The following BPTF variants were observed in gnomAD, a reference collection of about 807,000 sequenced individuals.
BPTF encodes the protein bromodomain PHD finger transcription factor.
BPTF carries 18 observed loss-of-function variants against 292.5 expected under a neutral mutation model. The observed-to-expected ratio is 0.06, with a 90% CI of 0.04 to 0.09. BPTF has a LOEUF of 0.09. Among genes scored for constraint, BPTF ranks in the 10% least tolerant of loss-of-function variants. The probability of loss-of-function intolerance (pLI) is 1.00; values close to 1 mark genes in which losing one functional copy is unlikely to be tolerated. For synonymous variants in BPTF, 1,225 were observed against 1,251.9 expected (o/e 0.98, Z 0.45); for missense variants, 2,726 against 3,498.7 (o/e 0.78, Z 5.57).
At chr17:67,884,546 C>T (rs2060630573) in intron 4 of BPTF, among the ~76,000 whole-genome samples, 2 of 151,848 alleles carry the variant, frequency 1.3e-5, no homozygotes, top group Non-Finnish European at 2.9e-5. Context: ...CCCTCAAGTA[C>T]GTAGGACTAG....
At chr17:67,842,049 G>A (rs1001501566) in intron 1 of BPTF, among the ~76,000 whole-genome samples, 12 of 152,108 alleles carry the variant, frequency 7.9e-5, no homozygotes, top group Non-Finnish European at 1.5e-4. Context: ...AAAATAAAAC[G>A]TAAAAGTATT....
chr17:67,851,581 T>A (rs186648190), intron 1 of BPTF, among the ~76,000 whole-genome samples: 9 of 152,340 alleles, frequency 5.9e-5, no homozygotes, highest in Admixed American at 3.9e-4. Context: ...GTATAAGGCA[T>A]GTAGTGAGAA....
intron 20 of BPTF, 152 bp from the exon 21 acceptor site, chr17:67,945,257 C>T (rs901995984): frequency 8.7e-6 from 12 of 1,380,388 alleles, no homozygotes; most frequent in African/African-American, 2.9e-5. Context: ...GTTGCTCAAA[C>T]GATCCTCCCA....
Position 67,912,287 on chromosome 17 carries a change from G to A in BPTF, c.4403G>A (p.Gly1468Asp), listed in dbSNP as rs555289218. ...KESAIRPFINGDVIMEDFNER... is the reference protein window; with the variant it reads ...KESAIRPFINDDVIMEDFNER... ...TCTGCTATAAGGCCATTCATTAATG[G>A]TGATGTCATCATGGAAGATTTTAAT... Residue 1468 changes from glycine to aspartate, a missense_variant, in exon 11 of 28, where the codon GGT (glycine) becomes GAT (aspartate). Around this residue, in one of 22 missense-constraint regions of BPTF, gnomAD observed 713 missense variants for 714.9 expected, o/e 1.00. Transcript: ENST00000306378. 1 of 1,613,760 alleles carries A rather than the reference G, an allele frequency of 6.2e-7. No individual in the cohort carries two copies. Among genetic ancestry groups the A allele is most frequent in the East Asian group, 2.2e-5 (1 of 44,884 alleles).
chr17:67,968,066 G>C (rs1555688551), intron 26 of BPTF, among the ~76,000 whole-genome samples: 1 of 151,148 alleles, frequency 6.6e-6, no homozygotes, highest in East Asian at 1.9e-4. Flanking sequence ...GGAGCCACGA[G>C]TAATCGTATC....
chr17:67,914,734 A>T (rs539784194), intron 11 of BPTF, among the ~76,000 whole-genome samples: 5 of 152,276 alleles, frequency 3.3e-5, no homozygotes, highest in African/African-American at 1.2e-4. Context: ...ACTGGTCCCA[A>T]TCAAGTGTTG....
chr17:67,976,074 A>T lies in BPTF; in HGVS notation c.8726+116A>T, dbSNP rs577346387. 377 of 527,430 alleles carry T rather than the reference A, an allele frequency of 7.1e-4. 1 individual carries two copies. In the African/African-American group the frequency reaches 0.02, roughly 28 times the overall value. The allele number at this position is 527,430 out of a possible 1,614,324, so 32.7% of individuals were successfully genotyped here. A position where few individuals can be genotyped will look rare whatever the true frequency, so the allele number is the denominator to read the frequency against. On this transcript the variant is annotated intron_variant, in intron 27 of 27. Transcript: ENST00000306378. ...GTAAATTTAACCTTAAATATCTTTA[A>T]AAAAAAAATAAATAAATCAAGACTC...
At position 67,854,116 on chromosome 17, in the gene BPTF, C is replaced by G. The variant is rs201658052; in HGVS notation, c.790C>G (p.Pro264Ala). 6.2e-6 allele frequency: 10 copies of G among 1,614,208 alleles called. No individual in the cohort carries two copies. In the Admixed American group the frequency reaches 1.2e-4, roughly 19 times the overall value. ...RNFGTVLRLS[P>A]FRFEDFCAAL... ...CTTTGGCACTGTTTTGAGATTATCT[C>G]CTTTTCGCTTTGAGGACTTTTGTGC... The change falls in exon 2 of 28, where the codon CCT becomes GCT. Residue 264 changes from proline to alanine, a missense_variant. Coordinates refer to ENST00000306378, the MANE Select transcript of BPTF (RefSeq NM_182641.4). The surrounding 1 kb of genome is among the most constrained non-coding windows in gnomAD (Gnocchi z 5.6).
At chr17:67,918,587 A>G (rs2063215955) in intron 11 of BPTF, 127 bp from the exon 12 acceptor site, 2 of 789,596 alleles carry the variant, frequency 2.5e-6, no homozygotes, top group Non-Finnish European at 3.7e-6. Context: ...ACAAAACCAT[A>G]TTATAAATAC....
rs1405189093 is a variant in BPTF at position 67,911,534 on chromosome 17, A to G, written c.3650A>G (p.Asp1217Gly). The G allele has an allele frequency of 6.2e-6, 10 of 1,613,508 alleles. No homozygotes were observed. The highest frequency in any genetic ancestry group is 7.6e-6 in the Non-Finnish European group (9 of 1,179,872). The change falls in exon 11 of 28, where the codon GAC becomes GGC. Residue 1217 changes from aspartate (D) to glycine (G), a missense_variant. Around this residue, in one of 22 missense-constraint regions of BPTF, gnomAD observed 713 missense variants for 714.9 expected, o/e 1.00. Coordinates refer to ENST00000306378, the MANE Select transcript of BPTF (RefSeq NM_182641.4). The part of the protein sequence containing the change: ...KTKGNDFFID[D>G]SKLASADDIG... ...AAAGGAAATGATTTTTTCATCGATGACTCTAAACTAGCCAGTGCAGATGAT... is the reference window on the plus strand; with the variant it reads ...AAAGGAAATGATTTTTTCATCGATGGCTCTAAACTAGCCAGTGCAGATGAT...
At chr17:67,885,353 G>T (rs2060682101) in intron 4 of BPTF, among the ~76,000 whole-genome samples, 1 of 152,220 alleles carries the variant, frequency 6.6e-6, no homozygotes, top group Admixed American at 6.5e-5. Context: ...GGAGGCCAAG[G>T]TGGGTGGATC....
intron 10 of BPTF, 127 bp downstream of exon 10, chr17:67,909,888 C>G (rs944446922): frequency 2.8e-6 from 2 of 725,180 alleles, no homozygotes; most frequent in African/African-American, 1.8e-5. Flanking sequence ...TAATTGATAT[C>G]CCATACAATT....
chr17:67,966,880 T>A (rs1450511238), intron 26 of BPTF, among the ~76,000 whole-genome samples: 1 of 151,970 alleles, frequency 6.6e-6, no homozygotes, highest in Non-Finnish European at 1.5e-5. Flanking sequence ...GACAGGCGGA[T>A]CATGAGGTCA....
chr17:67,886,113 A>G, intron 4 of BPTF: 1 of 1,515,578 alleles, frequency 6.6e-7, no homozygotes, highest in African/African-American at 1.4e-5. Context: ...AAAATCAGAT[A>G]TTCTATTTTT....
chr17:67,946,495 G>A (rs573448505), intron 21 of BPTF, among the ~76,000 whole-genome samples, 170 bp downstream of exon 21: 1 of 152,340 alleles, frequency 6.6e-6, no homozygotes, highest in South Asian at 2.1e-4. Flanking sequence ...CTACTGTGGT[G>A]TGGAACACTT....
At chr17:67,923,552 G>T (rs1332746709) in intron 14 of BPTF, among the ~76,000 whole-genome samples, 7 of 125,934 alleles carry the variant, frequency 5.6e-5, no homozygotes, top group African/African-American at 1.2e-4. Context: ...GCATGATCTC[G>T]GCTCACTGCA....
chr17:67,932,530 C>G (rs1197136902), intron 18 of BPTF, among the ~76,000 whole-genome samples: 1 of 152,164 alleles, frequency 6.6e-6, no homozygotes, highest in Non-Finnish European at 1.5e-5. Flanking sequence ...AATGCCATCT[C>G]TACTAAAAAT....
At chr17:67,875,729 C>A in intron 4 of BPTF, 1 of 1,594,976 alleles carries the variant, frequency 6.3e-7, no homozygotes, top group Non-Finnish European at 8.5e-7. Context: ...ATCTGAGCTC[C>A]CCCAGGATGT....
chr17:67,964,259 G>A lies in BPTF; in HGVS notation c.8309G>A (p.Cys2770Tyr). The part of the protein sequence containing the change: ...DRCQNWYHGR[C>Y]VGILQSEAEL... Reference sequence around the variant, plus strand: ...TGTCAGAATTGGTACCATGGGCGCTGCGTTGGCATCTTGCAAAGTGAGGCA... The same window carrying A: ...TGTCAGAATTGGTACCATGGGCGCTACGTTGGCATCTTGCAAAGTGAGGCA... Residue 2770 changes from cysteine to tyrosine, a missense_variant, in exon 25 of 28, where the codon TGC becomes TAC. By Grantham distance (194) the Cys-to-Tyr change is radical. Around this residue, in one of 22 missense-constraint regions of BPTF, gnomAD observed 48 missense variants for 114.2 expected, o/e 0.42. Transcript: ENST00000306378. 1 of 1,614,056 alleles carries A rather than the reference G, an allele frequency of 6.2e-7. No homozygotes were observed. Among genetic ancestry groups the A allele is most frequent in the Non-Finnish European group, 8.5e-7 (1 of 1,179,974 alleles).
Sources: allele counts gnomAD v4.1 joint callset (sites outside exome capture counted in the v4.1 genomes callset), GRCh38; gene constraint gnomAD v4.1.1; regional missense constraint gnomAD v4.1.1; non-coding constraint Gnocchi (gnomAD v3.1); transcripts MANE v1.5; gene names NCBI Gene and HGNC (gene_info 2026-07-23, HGNC 2026-07-21).